SLC10A6: variants seen among roughly 807,000 people sequenced by gnomAD.
SLC10A6 encodes the protein sodium-dependent organic anion transporter.
SLC10A6 carries 27 observed loss-of-function variants against 30.0 expected under a neutral mutation model. That is an observed-to-expected ratio of 0.90 (90% CI 0.66 to 1.24). The LOEUF (loss-of-function observed/expected upper bound fraction) is 1.24, where lower values mean the gene tolerates loss of function less well. Ranked by LOEUF, SLC10A6 falls within the 50% of genes most tolerant of loss-of-function variation. The pLI, the probability that SLC10A6 is intolerant of heterozygous loss-of-function variation, is 0.00. For missense variants in SLC10A6, 439 were observed against 457.0 expected, an observed-to-expected ratio of 0.96 and a Z score of 0.36; for synonymous variants, 166 against 173.8, an observed-to-expected ratio of 0.95 and a Z score of 0.36.
chr4:86,840,116 A>G (rs1362389546), intron 1 of SLC10A6, among the ~76,000 whole-genome samples: 3 of 149,812 alleles, frequency 2.0e-5, no homozygotes, highest in Non-Finnish European at 4.4e-5. Flanking sequence ...GATGGGTTTT[A>G]CCATGTTGGC....
chr4:86,828,168 T>C lies in SLC10A6; in HGVS notation c.586A>G (p.Ile196Val), dbSNP rs1455873136. 1.2e-6 allele frequency: 2 copies of C among 1,608,958 alleles called. No individual in the cohort carries two copies. The highest frequency in any genetic ancestry group is 3.4e-5 in the Admixed American group (2 of 58,312). ...AGGACCCCACCAACAACGGCCCCAA[T>C]CTGAAGCAAACAATAAAATAAGTGA... The part of the protein sequence containing the change: ...WPKQSKIILK[I>V]GAVVGGVLLL... The change falls in exon 4 of 6, where the codon ATT becomes GTT. Residue 196 changes from isoleucine to valine, a missense_variant and splice_region_variant. Ile to Val is a conservative substitution (Grantham distance 29). Transcript: ENST00000273905.
chr4:86,834,946 C>T (rs542633643), intron 1 of SLC10A6, among the ~76,000 whole-genome samples: 4 of 152,182 alleles, frequency 2.6e-5, no homozygotes, highest in African/African-American at 9.6e-5. Context: ...CTCATGTGAA[C>T]TAACTAAGCA....
intron 1 of SLC10A6, among the ~76,000 whole-genome samples, chr4:86,847,610 G>A (rs1489365341): frequency 6.6e-6 from 1 of 152,128 alleles, no homozygotes; most frequent in East Asian, 1.9e-4. Flanking sequence ...CCTTGGGAAA[G>A]TTAGTTCCTA....
intron 4 of SLC10A6, among the ~76,000 whole-genome samples, chr4:86,825,809 C>CA (rs1192353974): frequency 6.6e-6 from 1 of 152,188 alleles, no homozygotes; most frequent in Non-Finnish European, 1.5e-5. Flanking sequence ...ACAAGATAAA[C>CA]ACACAGGAGA....
intron 5 of SLC10A6, 122 bp downstream of exon 5, chr4:86,825,298 T>C: frequency 1.2e-6 from 1 of 858,942 alleles, no homozygotes; most frequent in Non-Finnish European, 1.8e-6. Flanking sequence ...CCCAGAAATG[T>C]CAGGCTTTCA....
chr4:86,823,917 A>T lies in SLC10A6; in HGVS notation c.920-15T>A. On this transcript the variant is annotated splice_polypyrimidine_tract_variant and intron_variant, in intron 5 of 5. Transcript: ENST00000273905. ...CGTCTGATATGCTAGGTGTTAAAAC[A>T]TACAAGTATTAACAATCACTTTAAC... 6.3e-7 allele frequency: 1 copy of T among 1,579,530 alleles called. No homozygotes were observed. The highest frequency in any genetic ancestry group is 8.6e-7 in the Non-Finnish European group (1 of 1,160,476).
chr4:86,842,668 G>A (rs1373917305), intron 1 of SLC10A6, among the ~76,000 whole-genome samples: 2 of 145,664 alleles, frequency 1.4e-5, no homozygotes, highest in African/African-American at 5.2e-5. Context: ...CTGCACTCCA[G>A]TCTGATGACA....
In SLC10A6 at chr4:86,840,369, G is replaced by C. The variant is rs187893941; in HGVS notation, c.378-6945C>G. On this transcript the variant is annotated intron_variant, in intron 1 of 5. Transcript: ENST00000273905. ...GCTCATATTACCATGAATAATACAA[G>C]TATTTTTTCCAAGCATGGTGTATAT... Among the ~76,000 whole-genome samples, 675 of 152,026 alleles carry C rather than the reference G, an allele frequency of 4.4e-3. 8 individuals carry two copies. The highest frequency in any genetic ancestry group is 4.1e-3 in the Non-Finnish European group (276 of 67,990).
intron 1 of SLC10A6, among the ~76,000 whole-genome samples, chr4:86,845,003 C>T (rs1746368959): frequency 6.6e-6 from 1 of 152,124 alleles, no homozygotes; most frequent in Admixed American, 6.5e-5. Context: ...GGATTCCAGG[C>T]CCCTCCCTAG....
chr4:86,842,882 T>TTC (rs1204833862), intron 1 of SLC10A6, among the ~76,000 whole-genome samples: 2 of 98,736 alleles, frequency 2.0e-5, no homozygotes, highest in Non-Finnish European at 2.1e-5. Context: ...TTCTTTTTTT[T>TTC]TTTGAGATGG....
chr4:86,827,058 T>C (rs1406020340), intron 4 of SLC10A6, among the ~76,000 whole-genome samples: 1 of 152,176 alleles, frequency 6.6e-6, no homozygotes. Flanking sequence ...AAAAACTCGA[T>C]ATGATTAAGC....
intron 1 of SLC10A6, among the ~76,000 whole-genome samples, chr4:86,843,414 G>T (rs1269649582): frequency 6.6e-6 from 1 of 152,140 alleles, no homozygotes; most frequent in Non-Finnish European, 1.5e-5. Context: ...GGACAGACAA[G>T]AGAAACATTT....
At chr4:86,847,668 A>C (rs943959965) in intron 1 of SLC10A6, among the ~76,000 whole-genome samples, 1 of 152,208 alleles carries the variant, frequency 6.6e-6, no homozygotes, top group African/African-American at 2.4e-5. Context: ...AATATGTTCC[A>C]TACGCTAAAC....
intron 1 of SLC10A6, among the ~76,000 whole-genome samples, chr4:86,841,848 T>C (rs561616949): frequency 6.6e-6 from 1 of 152,012 alleles, no homozygotes; most frequent in African/African-American, 2.4e-5. Context: ...GGACACGGAG[T>C]GAGCTATAAG....
At chr4:86,839,267 T>C (rs946702600) in intron 1 of SLC10A6, among the ~76,000 whole-genome samples, 6 of 135,250 alleles carry the variant, frequency 4.4e-5, no homozygotes, top group African/African-American at 1.7e-4. Context: ...GAGACCCTGG[T>C]CTCTACAAAA....
intron 1 of SLC10A6, 43 bp downstream of exon 1, chr4:86,848,696 C>A: frequency 6.6e-7 from 1 of 1,524,770 alleles, no homozygotes; most frequent in South Asian, 1.3e-5. Context: ...TCCCCCTAGG[C>A]AGGATAAGAG....
chr4:86,842,822 C>CT (rs1273037035), intron 1 of SLC10A6, among the ~76,000 whole-genome samples: 2 of 30,946 alleles, frequency 6.5e-5, no homozygotes, highest in South Asian at 1.5e-3. Context: ...TTCTTTCTTT[C>CT]TTTCTTTCTT....
rs565699193 is a variant in SLC10A6 at position 86,826,448 on chromosome 4, A to G, written c.762-871T>C. On this transcript the variant is annotated intron_variant, in intron 4 of 5. Transcript: ENST00000273905. ...ACAAAAATTAGCCTGGCGTGGTGGC[A>G]CACGCTCCTGTAATCCCAGCTACTC... Among the ~76,000 whole-genome samples, 4 of 152,074 alleles carry G rather than the reference A, an allele frequency of 2.6e-5. No individual in the cohort carries two copies. The East Asian group carries it at 7.7e-4, about 29-fold the overall frequency.
chr4:86,833,064 G>A (rs117251538), intron 2 of SLC10A6, among the ~76,000 whole-genome samples: 85 of 151,918 alleles, frequency 5.6e-4, no homozygotes, highest in East Asian at 5.0e-3. Context: ...TCAGATTCCC[G>A]GGTTAGAACT....
Sources: allele counts gnomAD v4.1 joint callset (sites outside exome capture counted in the v4.1 genomes callset), GRCh38; gene constraint gnomAD v4.1.1; transcripts MANE v1.5; gene names NCBI Gene and HGNC (gene_info 2026-07-23, HGNC 2026-07-21).